ADCY5: variants seen among roughly 807,000 people sequenced by gnomAD.
ADCY5 encodes the protein adenylate cyclase 5.
In ADCY5, 30 loss-of-function variants were observed where a neutral mutation model predicts 119.7. That is an observed-to-expected ratio of 0.25 (90% CI 0.19 to 0.34). The LOEUF (loss-of-function observed/expected upper bound fraction) is 0.34, where lower values mean the gene tolerates loss of function less well. Ranked by LOEUF, ADCY5 falls within the 10% of genes least tolerant of loss-of-function variation. The probability of loss-of-function intolerance (pLI) is 1.00; values close to 1 mark genes in which losing one functional copy is unlikely to be tolerated. For synonymous variants in ADCY5, 753 were observed against 762.2 expected, an observed-to-expected ratio of 0.99 and a Z score of 0.20; for missense variants, 1,324 against 1,775.2, an observed-to-expected ratio of 0.75 and a Z score of 4.57.
intron 2 of ADCY5, 133 bp from the exon 3 acceptor site, chr3:123,348,036 AGTGTGTGTGT>A (rs59441110): frequency 3.8e-5 from 18 of 468,636 alleles, no homozygotes; most frequent in Non-Finnish European, 5.7e-5. Flanking sequence ...CTGGGTTAAC[AGTGTGTGTGT>A]GTGTGTGTGT....
chr3:123,370,232 G>C (rs897036286), intron 1 of ADCY5, among the ~76,000 whole-genome samples: 1 of 152,208 alleles, frequency 6.6e-6, no homozygotes, highest in Admixed American at 6.5e-5. Flanking sequence ...ATGGACTATA[G>C]ATTATCACAC....
intron 15 of ADCY5, 97 bp from the exon 16 acceptor site, chr3:123,297,479 A>C (rs1576535721): frequency 5.2e-6 from 7 of 1,338,408 alleles, no homozygotes; most frequent in Non-Finnish European, 7.5e-6. Flanking sequence ...TGCTGTCCCC[A>C]CCACTGCTGC....
intron 1 of ADCY5, among the ~76,000 whole-genome samples, chr3:123,424,117 T>G (rs1945354056): frequency 6.6e-6 from 1 of 152,252 alleles, no homozygotes. Flanking sequence ...ATGAGGATTA[T>G]CCCATGGCAC....
At chr3:123,424,903 G>A (rs75081527) in intron 1 of ADCY5, among the ~76,000 whole-genome samples, 3 of 152,250 alleles carry the variant, frequency 2.0e-5, no homozygotes, top group Non-Finnish European at 2.9e-5. Flanking sequence ...GAGGCCGGGC[G>A]TGGGGCCAGC....
Position 123,342,543 on chromosome 3 carries a change from C to T in ADCY5, c.1406+5239G>A, listed in dbSNP as rs113148176. On this transcript the variant is annotated intron_variant, in intron 3 of 20. Transcript: ENST00000462833. ...ATCCACAGGACTCGGGTGCCTGATC[C>T]AAGTTGGTGAACCAAGATCCCCCAA... Among the ~76,000 whole-genome samples the T allele has an allele frequency of 3.8e-3, 572 of 152,260 alleles. 4 individuals are homozygous for T. Among genetic ancestry groups the T allele is most frequent in the Middle Eastern group, 0.031 (9 of 294 alleles).
chr3:123,417,584 G>A (rs992725714), intron 1 of ADCY5, among the ~76,000 whole-genome samples: 1 of 152,214 alleles, frequency 6.6e-6, no homozygotes, highest in Non-Finnish European at 1.5e-5. Context: ...GTCACTCCTG[G>A]CATTGAAGTG....
At chr3:123,304,242 G>T in intron 12 of ADCY5, 59 bp from the exon 13 acceptor site, 1 of 1,151,664 alleles carries the variant, frequency 8.7e-7, no homozygotes, top group Non-Finnish European at 1.3e-6. Flanking sequence ...CATTCAGCAA[G>T]GACTCCACAA....
intron 1 of ADCY5, among the ~76,000 whole-genome samples, chr3:123,378,100 C>G (rs1375262977): frequency 6.6e-6 from 1 of 152,194 alleles, no homozygotes; most frequent in African/African-American, 2.4e-5. Flanking sequence ...TCAGGTATAG[C>G]AGTCGCCTGC....
chr3:123,381,234 G>T (rs930476807), intron 1 of ADCY5, among the ~76,000 whole-genome samples: 1 of 152,160 alleles, frequency 6.6e-6, no homozygotes, highest in Non-Finnish European at 1.5e-5. Context: ...TTTTATCAGA[G>T]CCAAGAGGTC....
At chr3:123,401,653 G>A (rs1226525031) in intron 1 of ADCY5, among the ~76,000 whole-genome samples, 1 of 152,178 alleles carries the variant, frequency 6.6e-6, no homozygotes, top group Non-Finnish European at 1.5e-5. Flanking sequence ...GTAGGGAAGA[G>A]AAGCTGGGAT....
chr3:123,413,154 G>A (rs1016447038), intron 1 of ADCY5, among the ~76,000 whole-genome samples: 2 of 152,232 alleles, frequency 1.3e-5, no homozygotes, highest in Admixed American at 1.3e-4. Context: ...TCGTGGGAGA[G>A]GAATCACAGC....
At chr3:123,295,168 T>A (rs1939421137) in intron 17 of ADCY5, among the ~76,000 whole-genome samples, 1 of 152,188 alleles carries the variant, frequency 6.6e-6, no homozygotes, top group Admixed American at 6.5e-5. Context: ...TCACTCAGCA[T>A]CCAACGAAAA....
chr3:123,329,184 A>G (rs1198442688), intron 5 of ADCY5, among the ~76,000 whole-genome samples: 3 of 152,206 alleles, frequency 2.0e-5, no homozygotes, highest in African/African-American at 7.2e-5. Context: ...TCCAAACCCT[A>G]TTTGTATAAT....
In ADCY5 at chr3:123,296,459, G is replaced by A. The variant is rs78258261; in HGVS notation, c.2931-243C>T. 0.017 allele frequency among the ~76,000 whole-genome samples: 2,536 copies of A among 152,212 alleles called. 65 individuals are homozygous for A. The highest frequency in any genetic ancestry group is 0.054 in the African/African-American group (2,243 of 41,516). On this transcript the variant is annotated intron_variant, in intron 16 of 20. Transcript: ENST00000462833. ...AGGCAGCCATTACTCCTCTCCTGAC[G>A]CCTTACAACCCCCCATCACTCGGGA...
At chr3:123,379,111 G>T (rs1192159113) in intron 1 of ADCY5, among the ~76,000 whole-genome samples, 1 of 152,130 alleles carries the variant, frequency 6.6e-6, no homozygotes, top group East Asian at 1.9e-4. Flanking sequence ...CTGGGGACTG[G>T]CCATGGTACC....
At chr3:123,423,164 C>T (rs1277051253) in intron 1 of ADCY5, among the ~76,000 whole-genome samples, 1 of 152,168 alleles carries the variant, frequency 6.6e-6, no homozygotes, top group African/African-American at 2.4e-5. Flanking sequence ...CAGCCCAGCC[C>T]GCCCCAATTG....
intron 16 of ADCY5, 199 bp downstream of exon 16, chr3:123,297,154 G>C: frequency 7.2e-7 from 1 of 1,381,226 alleles, no homozygotes; most frequent in Non-Finnish European, 1.0e-6. Flanking sequence ...CCTTGGCAGG[G>C]ATCATGAAAG....
chr3:123,394,620 T>C (rs1468742264), intron 1 of ADCY5, among the ~76,000 whole-genome samples: 1 of 152,214 alleles, frequency 6.6e-6, no homozygotes, highest in African/African-American at 2.4e-5. Flanking sequence ...AGAGCCACTT[T>C]GGCAGGCACT....
intron 12 of ADCY5, among the ~76,000 whole-genome samples, chr3:123,310,226 A>T (rs915399156): frequency 2.6e-5 from 4 of 151,442 alleles, no homozygotes; most frequent in African/African-American, 9.7e-5. Flanking sequence ...TTGGCCTTCT[A>T]ATGAGCCACA....
Sources: allele counts gnomAD v4.1 joint callset (sites outside exome capture counted in the v4.1 genomes callset), GRCh38; gene constraint gnomAD v4.1.1; transcripts MANE v1.5; gene names NCBI Gene and HGNC (gene_info 2026-07-23, HGNC 2026-07-21).